Variants in ATP1A1 observed in about 807,000 individuals in gnomAD.
ATP1A1 encodes ATPase Na+/K+ transporting subunit alpha 1.
ATP1A1 carries 14 observed loss-of-function variants against 114.8 expected under a neutral mutation model. That is an observed-to-expected ratio of 0.12 (90% CI 0.08 to 0.19). The LOEUF is 0.19. Among genes scored for constraint, ATP1A1 ranks in the 10% least tolerant of loss-of-function variants. The pLI, the probability that ATP1A1 is intolerant of heterozygous loss-of-function variation, is 1.00. For synonymous variants in ATP1A1, 471 were observed against 466.3 expected (o/e 1.01, Z -0.13); for missense variants, 524 against 1,290.7 (o/e 0.41, Z 9.10).
rs1328134420 is a variant in ATP1A1, at chr1:116,387,686, T to C, written c.387+195T>C. 6.6e-6 allele frequency among the ~76,000 whole-genome samples: 1 copy of C among 152,218 alleles called. No homozygotes were observed. Among genetic ancestry groups the C allele is most frequent in the Non-Finnish European group, 1.5e-5 (1 of 68,036 alleles). The stretch of plus-strand genomic sequence containing the variant: ...CCATTTCCTCTCTCTACCACCCACG[T>C]TGTAGATGCTCTTACAAGTGGGATG... On this transcript the variant is annotated intron_variant, in intron 4 of 22. Transcript: ENST00000295598. The surrounding 1 kb of genome is among the most constrained non-coding windows in gnomAD (Gnocchi z 6.7).
intron 9 of ATP1A1, among the ~76,000 whole-genome samples, 154 bp from the exon 10 acceptor site, chr1:116,390,628 G>A (rs764495548): frequency 6.7e-6 from 1 of 149,698 alleles, no homozygotes; most frequent in Non-Finnish European, 1.5e-5. Flanking sequence ...CCCTACAAAC[G>A]TGACTGAAGA....
chr1:116,380,840 A>C (rs1177117745), intron 1 of ATP1A1, among the ~76,000 whole-genome samples: 9 of 152,192 alleles, frequency 5.9e-5, no homozygotes, highest in Admixed American at 5.9e-4. Context: ...GCACAGGATG[A>C]AATGATGACG....
At chr1:116,375,382 G>C (rs527931069) in intron 1 of ATP1A1, among the ~76,000 whole-genome samples, 12 of 152,338 alleles carry the variant, frequency 7.9e-5, no homozygotes, top group South Asian at 2.1e-4. Context: ...TGAATTAATA[G>C]GCCATGGAGA....
rs1570935628 is a variant in ATP1A1 at position 116,373,271 on chromosome 1, A to G, written c.-241A>G. 2.6e-6 allele frequency: 1 copy of G among 391,540 alleles called. No individual in the cohort carries two copies. The highest frequency in any genetic ancestry group is 4.0e-5 in the East Asian group (1 of 24,910). 24.3% of individuals were successfully genotyped at this position (391,540 alleles called of 1,614,324 possible). ...AGCTGCGGCGGGGTCTGGGGCGCAGAGCAGCGGCGGGAGGAGGCGGACACG... is the reference window on the plus strand; with the variant it reads ...AGCTGCGGCGGGGTCTGGGGCGCAGGGCAGCGGCGGGAGGAGGCGGACACG... On this transcript the variant is annotated 5_prime_UTR_variant, in exon 1 of 23. Coordinates refer to ENST00000295598, the MANE Select transcript of ATP1A1 (RefSeq NM_000701.8).
chr1:116,392,746 C>G (rs1212824511), intron 10 of ATP1A1, 108 bp from the exon 11 acceptor site: 17 of 1,367,080 alleles, frequency 1.2e-5, no homozygotes, highest in Non-Finnish European at 1.7e-5. Context: ...CCATCCTCTG[C>G]TACCTCTGAC....
chr1:116,383,293 G>A (rs1272323654), intron 1 of ATP1A1: 31 of 1,013,450 alleles, frequency 3.1e-5, no homozygotes, highest in Non-Finnish European at 3.8e-5. Flanking sequence ...ATTTTAAGGA[G>A]TCTTAGGCTG....
At position 116,385,082 on chromosome 1, in the gene ATP1A1, G is replaced by A; in HGVS notation, c.183+240G>A. 2.2e-6 allele frequency: 1 copy of A among 457,256 alleles called. No homozygotes were observed. The highest frequency in any genetic ancestry group is 2.5e-5 in the South Asian group (1 of 39,544). The allele number at this position is 457,256 out of a possible 1,614,324, so 28.3% of individuals were successfully genotyped here. The stretch of plus-strand genomic sequence containing the variant: ...CCTATTTTATAGCAGTTGAGAGCCA[G>A]TAAGTGGGAACACCAGGACTTGCAG... On this transcript the variant is annotated intron_variant, in intron 3 of 22. Transcript: ENST00000295598. The surrounding 1 kb of genome is among the most constrained non-coding windows in gnomAD (Gnocchi z 4.3).
At chr1:116,403,830 T>C in intron 21 of ATP1A1, 54 bp from the exon 22 acceptor site, 2 of 1,468,878 alleles carry the variant, frequency 1.4e-6, no homozygotes, top group South Asian at 2.4e-5. Context: ...TTTCTCTTTC[T>C]TTATTTGAAC....
Position 116,395,349 on chromosome 1 carries a change from G to T in ATP1A1, c.1836+64G>T. ...CCTTGGGACACCCTACTCAGTGAAT[G>T]TTGCCTTTTGAGGTCCAGATGGCCA... On this transcript the variant is annotated intron_variant, in intron 13 of 22. Coordinates refer to ENST00000295598, the MANE Select transcript of ATP1A1 (RefSeq NM_000701.8). The surrounding 1 kb of genome is among the most constrained non-coding windows in gnomAD (Gnocchi z 6.4). 1 of 1,558,318 alleles carries T rather than the reference G, an allele frequency of 6.4e-7. No homozygotes were observed. Among genetic ancestry groups the T allele is most frequent in the South Asian group, 1.2e-5 (1 of 82,934 alleles).
At chr1:116,377,530 A>C (rs556435738) in intron 1 of ATP1A1, among the ~76,000 whole-genome samples, 1 of 152,254 alleles carries the variant, frequency 6.6e-6, no homozygotes, top group Non-Finnish European at 1.5e-5. Context: ...TCTTCGCTCA[A>C]CAAGCAAATC....
rs779577897 is a variant in ATP1A1 at position 116,388,679 on chromosome 1, T to C, written c.543T>C (p.Asn181=). The change falls in exon 6 of 23, where the codon AAT becomes AAC. Residue 181 remains asparagine (N), a synonymous_variant. Coordinates refer to ENST00000295598, the MANE Select transcript of ATP1A1 (RefSeq NM_000701.8). The surrounding 1 kb of genome is among the most constrained non-coding windows in gnomAD (Gnocchi z 5.6). ...VIRNGEKMSI[N]AEEVVVGDLV... ...GAAATGGTGAGAAAATGAGCATAAA[T>C]GCGGAGGAAGTTGTGGTTGGGGATC... 2.5e-6 allele frequency: 4 copies of C among 1,614,212 alleles called. No homozygotes were observed. The Admixed American group carries it at 6.7e-5, about 27-fold the overall frequency.
At chr1:116,400,743 C>A in intron 18 of ATP1A1, 118 bp from the exon 19 acceptor site, 3 of 1,269,504 alleles carry the variant, frequency 2.4e-6, no homozygotes, top group Non-Finnish European at 3.3e-6. Context: ...CTTTTATCAA[C>A]CAGGGGGAAA....
intron 21 of ATP1A1, among the ~76,000 whole-genome samples, chr1:116,402,242 G>A (rs992169737): frequency 6.6e-5 from 10 of 152,190 alleles, no homozygotes; most frequent in Non-Finnish European, 1.3e-4. Context: ...TTTTCAAAGA[G>A]GGTTTATCAC....
At chr1:116,382,954 CA>C (rs1651842625) in intron 1 of ATP1A1, among the ~76,000 whole-genome samples, 1 of 152,104 alleles carries the variant, frequency 6.6e-6, no homozygotes, top group Non-Finnish European at 1.5e-5. Flanking sequence ...GAGGCTGCTT[CA>C]GGGGGAGGTG....
In ATP1A1 at chr1:116,387,263, T is replaced by C; in HGVS notation, c.184-25T>C. ...CTTGTAAGTGCTGGTACAGTTTGCC[T>C]TATTTATATTCCACTGCTTCTCAGG... On this transcript the variant is annotated intron_variant, in intron 3 of 22. Transcript: ENST00000295598. The surrounding 1 kb of genome is among the most constrained non-coding windows in gnomAD (Gnocchi z 6.7). 1 of 1,613,402 alleles carries C rather than the reference T, an allele frequency of 6.2e-7. No homozygotes were observed. Among genetic ancestry groups the C allele is most frequent in the East Asian group, 2.2e-5 (1 of 44,882 alleles).
At chr1:116,376,153 A>G (rs879308775) in intron 1 of ATP1A1, among the ~76,000 whole-genome samples, 20 of 152,092 alleles carry the variant, frequency 1.3e-4, no homozygotes, top group African/African-American at 2.9e-4. Context: ...AAAGATGAGG[A>G]GGGGGGGTCT....
rs565978856 is a variant in ATP1A1, at chr1:116,404,381, G to A, written c.3044-35G>A. The A allele has an allele frequency of 3.5e-5, 57 of 1,611,868 alleles. No individual in the cohort carries two copies. Among genetic ancestry groups the A allele is most frequent in the Non-Finnish European group, 4.8e-5 (56 of 1,178,228 alleles). On this transcript the variant is annotated intron_variant, in intron 22 of 22. Transcript: ENST00000295598. This position sits in a 1 kb window ranked among gnomAD's most constrained non-coding sequence, Gnocchi z 4.8. ...AATGCTGGAGCGAGGAAGACTCACTGTAGTGTGTCTTGTCTGTCTCTTTGC... is the reference window on the plus strand; with the variant it reads ...AATGCTGGAGCGAGGAAGACTCACTATAGTGTGTCTTGTCTGTCTCTTTGC...
chr1:116,394,984 TA>T, intron 12 of ATP1A1, 125 bp from the exon 13 acceptor site: 1 of 929,740 alleles, frequency 1.1e-6, no homozygotes, highest in Non-Finnish European at 1.6e-6. Flanking sequence ...GTTATAAAAA[TA>T]TAGACTTTAA....
At chr1:116,375,430 G>T (rs1175182603) in intron 1 of ATP1A1, among the ~76,000 whole-genome samples, 4 of 152,228 alleles carry the variant, frequency 2.6e-5, no homozygotes, top group African/African-American at 7.2e-5. Flanking sequence ...TTATCTAGAT[G>T]TCTCCTTTAT....
Sources: allele counts gnomAD v4.1 joint callset (sites outside exome capture counted in the v4.1 genomes callset), GRCh38; gene constraint gnomAD v4.1.1; non-coding constraint Gnocchi (gnomAD v3.1); transcripts MANE v1.5; gene names NCBI Gene and HGNC (gene_info 2026-07-23, HGNC 2026-07-21).